RASAL2: variants seen among roughly 807,000 people sequenced by gnomAD.
RASAL2 encodes ras GTPase-activating protein nGAP.
Under a neutral mutation model 128.9 loss-of-function variants are expected in RASAL2, and 58 were observed. The observed-to-expected ratio is 0.45, with a 90% CI of 0.36 to 0.56. RASAL2 has a LOEUF of 0.56. Among genes scored for constraint, RASAL2 ranks in the 20% least tolerant of loss-of-function variants. The pLI is 0.00. For synonymous variants in RASAL2, 561 were observed against 580.8 expected (o/e 0.97, Z 0.49); for missense variants, 1,360 against 1,601.6 (o/e 0.85, Z 2.57).
At chr1:178,229,790 GT>G (rs1449825839) in intron 1 of RASAL2, among the ~76,000 whole-genome samples, 1 of 152,122 alleles carries the variant, frequency 6.6e-6, no homozygotes, top group African/African-American at 2.4e-5. Context: ...ATAGAGTTCA[GT>G]GTTGCTTTTA....
chr1:178,287,675 G>T (rs1303325594), intron 2 of RASAL2, among the ~76,000 whole-genome samples: 1 of 152,144 alleles, frequency 6.6e-6, no homozygotes, highest in Non-Finnish European at 1.5e-5. Flanking sequence ...AAAAAGGAAT[G>T]AAATAATAGC....
At chr1:178,323,405 AT>A (rs888260271) in intron 3 of RASAL2, among the ~76,000 whole-genome samples, 6 of 151,698 alleles carry the variant, frequency 4.0e-5, no homozygotes, top group Non-Finnish European at 7.4e-5. Context: ...GATGTGGGTA[AT>A]TTTTTTTTAT....
At chr1:178,206,346 T>G (rs1379554240) in intron 1 of RASAL2, among the ~76,000 whole-genome samples, 1 of 152,238 alleles carries the variant, frequency 6.6e-6, no homozygotes, top group Non-Finnish European at 1.5e-5. Flanking sequence ...CTGTCTTGTA[T>G]AGTCAAGCTT....
rs537551263 is a variant in RASAL2 at position 178,434,793 on chromosome 1, A to G, written c.675-4629A>G. The stretch of plus-strand genomic sequence containing the variant: ...AGGGAGGAAAACCTTTAAAATTATA[A>G]TACAAGAAAGGATGTGCACTTTCAA... On this transcript the variant is annotated intron_variant, in intron 5 of 17. Coordinates refer to ENST00000367649, the MANE Select transcript of RASAL2 (RefSeq NM_170692.4). Among the ~76,000 whole-genome samples the G allele has an allele frequency of 3.3e-5, 5 of 152,082 alleles. No homozygotes were observed. In the South Asian group the frequency reaches 1.0e-3, roughly 32 times the overall value.
intron 13 of RASAL2, 40 bp from the exon 14 acceptor site, chr1:178,457,643 T>C (rs1478338700): frequency 6.3e-7 from 1 of 1,584,736 alleles, no homozygotes; most frequent in Non-Finnish European, 8.6e-7. Context: ...CATGTTGAAG[T>C]TGTCTCAAGA....
At chr1:178,390,327 T>C (rs1365208052) in intron 4 of RASAL2, 121 bp downstream of exon 4, 1 of 690,538 alleles carries the variant, frequency 1.4e-6, no homozygotes, top group African/African-American at 1.8e-5. Context: ...TTTATAATTC[T>C]GTGATTAAAG....
At chr1:178,423,593 G>A (rs188004326) in intron 5 of RASAL2, among the ~76,000 whole-genome samples, 2 of 152,156 alleles carry the variant, frequency 1.3e-5, no homozygotes, top group African/African-American at 2.4e-5. Flanking sequence ...AGAGAAATTC[G>A]TAAGTTGCCT....
chr1:178,355,045 A>G (rs1042057436), intron 3 of RASAL2, among the ~76,000 whole-genome samples: 1 of 152,176 alleles, frequency 6.6e-6, no homozygotes, highest in African/African-American at 2.4e-5. Context: ...GGATCACTTG[A>G]GCCAGGAATT....
At chr1:178,376,601 A>G (rs1231613993) in intron 3 of RASAL2, among the ~76,000 whole-genome samples, 1 of 152,166 alleles carries the variant, frequency 6.6e-6, no homozygotes, top group Non-Finnish European at 1.5e-5. Flanking sequence ...AATGGAATGT[A>G]GGGAAGATGG....
At chr1:178,389,388 G>GA (rs1185799805) in intron 3 of RASAL2, 1 of 539,186 alleles carries the variant, frequency 1.9e-6, no homozygotes, top group Non-Finnish European at 2.4e-6. Context: ...ATCACTCTAT[G>GA]AAAAAATCTT....
chr1:178,149,427 T>C (rs1184484553), intron 1 of RASAL2, among the ~76,000 whole-genome samples: 1 of 152,094 alleles, frequency 6.6e-6, no homozygotes, highest in African/African-American at 2.4e-5. Context: ...GTGGATTTAA[T>C]TCATTTTTTT....
intron 4 of RASAL2, among the ~76,000 whole-genome samples, chr1:178,395,709 A>G (rs1415048758): frequency 2.0e-5 from 3 of 150,842 alleles, no homozygotes; most frequent in Admixed American, 1.3e-4. Context: ...TTCACTAACC[A>G]TCTGCATGGA....
chr1:178,425,618 T>C (rs1675467984), intron 5 of RASAL2, among the ~76,000 whole-genome samples: 1 of 152,122 alleles, frequency 6.6e-6, no homozygotes, highest in Admixed American at 6.6e-5. Context: ...TGGACAGTCC[T>C]GTTCAAGTCT....
At position 178,175,437 on chromosome 1, in the gene RASAL2, C is replaced by CATGT. The variant is rs71567181; in HGVS notation, c.202+80743_202+80744insATGT. Among the ~76,000 whole-genome samples the CATGT allele has an allele frequency of 2.9e-3, 417 of 144,440 alleles. 1 individual carries two copies. Among genetic ancestry groups the CATGT allele is most frequent in the African/African-American group, 0.01 (389 of 38,816 alleles). 94.8% of individuals were successfully genotyped at this position (144,440 alleles called of 152,430 possible). A position where few individuals can be genotyped will look rare whatever the true frequency, so the allele number is the denominator to read the frequency against. On this transcript the variant is annotated intron_variant, in intron 1 of 17. Coordinates refer to ENST00000367649, the MANE Select transcript of RASAL2 (RefSeq NM_170692.4). ...AATATTCTGTGTATATACATGGTTA[C>CATGT]GTGTGTGTGTGTGTGTGTGTGTGTG... is the stretch of plus-strand genomic sequence containing the variant.
chr1:178,367,446 C>T (rs920873568), intron 3 of RASAL2, among the ~76,000 whole-genome samples: 1 of 152,142 alleles, frequency 6.6e-6, no homozygotes, highest in African/African-American at 2.4e-5. Flanking sequence ...TACCATCTAA[C>T]ACAATATATA....
chr1:178,348,049 A>C (rs1222482355), intron 3 of RASAL2, among the ~76,000 whole-genome samples: 1 of 152,222 alleles, frequency 6.6e-6, no homozygotes, highest in African/African-American at 2.4e-5. Context: ...GTCTCAAAAG[A>C]ATACTCACTG....
intron 3 of RASAL2, among the ~76,000 whole-genome samples, chr1:178,344,245 T>C (rs942244720): frequency 6.6e-6 from 1 of 152,194 alleles, no homozygotes; most frequent in Non-Finnish European, 1.5e-5. Flanking sequence ...GATTTGGCTA[T>C]AGTTGATCAA....
chr1:178,433,896 A>G (rs12088822), intron 5 of RASAL2, among the ~76,000 whole-genome samples: 52,209 of 151,700 alleles, frequency 0.34, 12,749 homozygotes, highest in African/African-American at 0.7. Flanking sequence ...CAGCCTGGGC[A>G]ACAAGAGAGA....
chr1:178,223,683 G>C (rs1468337722), intron 1 of RASAL2, among the ~76,000 whole-genome samples: 2 of 152,062 alleles, frequency 1.3e-5, no homozygotes, highest in African/African-American at 2.4e-5. Flanking sequence ...AATGTTTTTT[G>C]GTGGTCATAG....
Sources: allele counts gnomAD v4.1 joint callset (sites outside exome capture counted in the v4.1 genomes callset), GRCh38; gene constraint gnomAD v4.1.1; transcripts MANE v1.5; gene names NCBI Gene and HGNC (gene_info 2026-07-23, HGNC 2026-07-21).